The following RASGRF1 variants were observed in gnomAD, a reference collection of about 807,000 sequenced individuals.
RASGRF1 encodes ras-specific guanine nucleotide-releasing factor 1.
In RASGRF1, 40 loss-of-function variants were observed where a neutral mutation model predicts 138.7. That is an observed-to-expected ratio of 0.29 (90% CI 0.22 to 0.38). The LOEUF (loss-of-function observed/expected upper bound fraction) is 0.38, where lower values mean the gene tolerates loss of function less well. Ranked by LOEUF, RASGRF1 falls within the 10% of genes least tolerant of loss-of-function variation. The pLI is 1.00. For missense variants in RASGRF1, 1,108 were observed against 1,650.4 expected, an observed-to-expected ratio of 0.67 and a Z score of 5.69; for synonymous variants, 614 against 663.2, an observed-to-expected ratio of 0.93 and a Z score of 1.14.
intron 5 of RASGRF1, among the ~76,000 whole-genome samples, chr15:79,039,296 CAA>C (rs71148587): frequency 0.024 from 1,225 of 50,264 alleles, 2 homozygotes; most frequent in African/African-American, 0.037. Context: ...GACCCTGTCT[CAA>C]AAAAAAAAAA....
At position 79,046,255 on chromosome 15, in the gene RASGRF1, A is replaced by T. The variant is rs575164385; in HGVS notation, c.878+491T>A. On this transcript the variant is annotated intron_variant, in intron 5 of 26. Transcript: ENST00000558480. The surrounding 1 kb of genome is among the most constrained non-coding windows in gnomAD (Gnocchi z 5.3). ...ATGATGGTATCAAGGTCAAAGAATA[A>T]GGTACTTTAGTTTACGTTTTGTAGC... Among the ~76,000 whole-genome samples the T allele has an allele frequency of 6.6e-6, 1 of 152,350 alleles. No homozygotes were observed. The highest frequency in any genetic ancestry group is 1.9e-4 in the East Asian group (1 of 5,188).
chr15:79,057,840 C>T (rs865828007), intron 3 of RASGRF1, among the ~76,000 whole-genome samples: 2 of 152,170 alleles, frequency 1.3e-5, no homozygotes, highest in Non-Finnish European at 2.9e-5. Flanking sequence ...GCTGGTGGGC[C>T]GCTGCAGGAG....
intron 26 of RASGRF1, among the ~76,000 whole-genome samples, chr15:78,964,129 T>C (rs16970356): frequency 0.064 from 9,743 of 152,166 alleles, 387 homozygotes; most frequent in Middle Eastern, 0.14. Context: ...ATAGCACCAT[T>C]GCAAAGCAGT....
chr15:78,986,294 TG>T (rs1421825696), intron 22 of RASGRF1, among the ~76,000 whole-genome samples: 2 of 150,684 alleles, frequency 1.3e-5, no homozygotes, highest in East Asian at 3.9e-4. Flanking sequence ...TGCAAGGAGC[TG>T]AAACAGCAGG....
chr15:79,076,346 A>G (rs1181464397), intron 1 of RASGRF1, among the ~76,000 whole-genome samples: 1 of 152,128 alleles, frequency 6.6e-6, no homozygotes, highest in Non-Finnish European at 1.5e-5. Context: ...AAAGCCCCCC[A>G]GCTGGTTATA....
chr15:78,997,014 T>G (rs1321726418), intron 19 of RASGRF1, among the ~76,000 whole-genome samples: 2 of 152,174 alleles, frequency 1.3e-5, no homozygotes, highest in African/African-American at 4.8e-5. Context: ...GCTGAGTCGG[T>G]AGGTGCCCGC....
rs760656612 is a variant in RASGRF1, at chr15:79,090,366, C to T, written c.133G>A (p.Ala45Thr). The T allele has an allele frequency of 1.9e-6, 3 of 1,613,742 alleles. No homozygotes were observed. The highest frequency in any genetic ancestry group is 2.5e-6 in the Non-Finnish European group (3 of 1,180,006). The change falls in exon 1 of 27, where the codon GCG (alanine) becomes ACG (threonine). Residue 45 changes from alanine to threonine, a missense_variant. Ala to Thr is a moderately conservative substitution (Grantham distance 58). Transcript: ENST00000558480. ...DNTKWQTKWF[A>T]LLQNLLFYFE... ...TAGAAGAGCAGGTTCTGCAGCAGCG[C>T]GAACCACTTGGTTTGCCATTTTGTG...
At chr15:78,995,907 G>A (rs150896645) in intron 19 of RASGRF1, 107 bp from the exon 20 acceptor site, 48 of 1,050,564 alleles carry the variant, frequency 4.6e-5, no homozygotes, top group East Asian at 2.4e-4. Flanking sequence ...CTCTGTCCTC[G>A]TCATCCCCAT....
At position 79,025,495 on chromosome 15, in the gene RASGRF1, C is replaced by A. The variant is rs202057055; in HGVS notation, c.1382-21G>T. 237 of 1,603,500 alleles carry A rather than the reference C, an allele frequency of 1.5e-4. 1 individual carries two copies. In the African/African-American group the frequency reaches 2.8e-3, roughly 19 times the overall value. On this transcript the variant is annotated intron_variant, in intron 9 of 26. Transcript: ENST00000558480. ...GGAACCTGTGGGTGGAGGAGAGAGA[C>A]CCTGAGCCCATCTCCTGGGGTGACC...
chr15:79,015,828 G>C (rs796090888), intron 12 of RASGRF1, among the ~76,000 whole-genome samples: 10 of 152,318 alleles, frequency 6.6e-5, no homozygotes, highest in African/African-American at 2.4e-4. Flanking sequence ...CAGCCCAGCA[G>C]GGCCTCTGCG....
Position 78,973,374 on chromosome 15 carries a change from G to A in RASGRF1, c.3541C>T (p.Leu1181=). Residue 1181 remains leucine (L), a synonymous_variant, in exon 25 of 27, where the codon CTG becomes TTG. Transcript: ENST00000558480. The surrounding 1 kb of genome is among the most constrained non-coding windows in gnomAD (Gnocchi z 4.9). The part of the protein sequence containing the change: ...VPYLGMYLTD[L]AFIEEGTPNY... ...GGCGTCCCCTCCTCGATGAAGGCCA[G>A]GTCGGTGAGGTACATCCCCAGGTAA... 1.9e-6 allele frequency: 3 copies of A among 1,613,990 alleles called. No homozygotes were observed. The highest frequency in any genetic ancestry group is 1.3e-5 in the African/African-American group (1 of 75,046).
At position 79,024,306 on chromosome 15, in the gene RASGRF1, TAC is replaced by T. The variant is rs1215601777; in HGVS notation, c.1542+1006_1542+1007del. Among the ~76,000 whole-genome samples the T allele has an allele frequency of 4.7e-5, 7 of 149,988 alleles. No individual in the cohort carries two copies. The East Asian group carries it at 1.2e-3, about 25-fold the overall frequency. On this transcript the variant is annotated intron_variant, in intron 10 of 26. Coordinates refer to ENST00000558480, the MANE Select transcript of RASGRF1 (RefSeq NM_001145648.3). Reference sequence around the variant, plus strand: ...ACACACATACATATGCCATATACCATACACACACACACAATGAACACACACAA... The same window carrying T: ...ACACACATACATATGCCATATACCATACACACACACAATGAACACACACAA...
intron 13 of RASGRF1, among the ~76,000 whole-genome samples, chr15:79,014,956 C>T (rs1288078936): frequency 2.7e-5 from 4 of 148,442 alleles, no homozygotes; most frequent in Non-Finnish European, 6.0e-5. Flanking sequence ...AAAAAACAAA[C>T]AAAACAAAAC....
intron 2 of RASGRF1, among the ~76,000 whole-genome samples, chr15:79,060,544 C>T (rs1018350736): frequency 6.6e-6 from 1 of 152,176 alleles, no homozygotes; most frequent in Non-Finnish European, 1.5e-5. Context: ...TCTGGGACTC[C>T]ACCACCCCCG....
intron 14 of RASGRF1, chr15:79,004,838 G>C (rs537262848): frequency 2.0e-6 from 2 of 985,344 alleles, no homozygotes; most frequent in South Asian, 9.4e-5. Flanking sequence ...GGATAGGATT[G>C]ATCTTTTAAC....
intron 1 of RASGRF1, among the ~76,000 whole-genome samples, chr15:79,082,063 A>G (rs1730492006): frequency 6.6e-6 from 1 of 152,056 alleles, no homozygotes; most frequent in Non-Finnish European, 1.5e-5. Context: ...ACCACCATAA[A>G]ACCTCTCTTC....
chr15:79,004,306 T>A (rs3825929), intron 14 of RASGRF1, 131 bp from the exon 15 acceptor site: 476,239 of 1,182,924 alleles, frequency 0.4, 97,736 homozygotes, highest in Middle Eastern at 0.44. Flanking sequence ...CTGAAACCCA[T>A]ACTTGAGCTG....
At chr15:79,064,743 T>C in intron 1 of RASGRF1, 2 of 541,792 alleles carry the variant, frequency 3.7e-6, no homozygotes, top group South Asian at 2.4e-5. Flanking sequence ...GCTTAGGATA[T>C]TGTAAGAAGG....
chr15:79,004,674 A>G (rs1289545481), intron 14 of RASGRF1: 3 of 986,212 alleles, frequency 3.0e-6, no homozygotes, highest in Non-Finnish European at 3.6e-6. Flanking sequence ...GAGCGGCCCT[A>G]TATGCAAACT....
Sources: allele counts gnomAD v4.1 joint callset (sites outside exome capture counted in the v4.1 genomes callset), GRCh38; gene constraint gnomAD v4.1.1; non-coding constraint Gnocchi (gnomAD v3.1); transcripts MANE v1.5; gene names NCBI Gene and HGNC (gene_info 2026-07-23, HGNC 2026-07-21).